The following MAN1A1 variants were observed in gnomAD, a reference collection of about 807,000 sequenced individuals.
The protein encoded by MAN1A1 is mannosyl-oligosaccharide 1,2-alpha-mannosidase IA.
A neutral mutation model predicts 70.8 loss-of-function variants in MAN1A1; 29 were observed. That is an observed-to-expected ratio of 0.41 (90% CI 0.31 to 0.56). MAN1A1 has a LOEUF of 0.56. Ranked by LOEUF, MAN1A1 falls within the 20% of genes least tolerant of loss-of-function variation. The probability of loss-of-function intolerance (pLI) is 0.29; values close to 1 mark genes in which losing one functional copy is unlikely to be tolerated. For synonymous variants in MAN1A1, 349 were observed against 330.1 expected, an observed-to-expected ratio of 1.06 and a Z score of -0.62; for missense variants, 747 against 841.3, an observed-to-expected ratio of 0.89 and a Z score of 1.39.
chr6:119,206,078 A>T (rs964730039), intron 6 of MAN1A1, among the ~76,000 whole-genome samples: 2 of 152,222 alleles, frequency 1.3e-5, no homozygotes, highest in Admixed American at 1.3e-4. Flanking sequence ...TGATTCTTGA[A>T]GGGCAAGTAC....
In MAN1A1 at chr6:119,349,114, T is replaced by C; in HGVS notation, c.-49A>G. On this transcript the variant is annotated 5_prime_UTR_variant, in exon 2 of 13. Coordinates refer to ENST00000368468, the MANE Select transcript of MAN1A1 (RefSeq NM_005907.4). ...GCGCCGCGCCGCTCAGCAGCCAAAC[T>C]TCGCCGCCGCTGGGAGTCCGCGGCT... The C allele has an allele frequency of 7.9e-7, 1 of 1,259,212 alleles. No homozygotes were observed. The highest frequency in any genetic ancestry group is 1.0e-6 in the Non-Finnish European group (1 of 1,003,606). The allele number at this position is 1,259,212 out of a possible 1,614,324, so 78.0% of individuals were successfully genotyped here.
chr6:119,214,511 T>C lies in MAN1A1; in HGVS notation c.993-9629A>G, dbSNP rs144157063. On this transcript the variant is annotated intron_variant, in intron 6 of 12. Coordinates refer to ENST00000368468, the MANE Select transcript of MAN1A1 (RefSeq NM_005907.4). ...GCAAAAAGTAAAAACATCACTATGG[T>C]ATTTTGTATTTTTGTTTTGTGTTTT... is the stretch of plus-strand genomic sequence containing the variant. 2.3e-4 allele frequency among the ~76,000 whole-genome samples: 35 copies of C among 152,192 alleles called. No individual in the cohort carries two copies. The East Asian group carries it at 6.6e-3, about 29-fold the overall frequency.
At chr6:119,262,112 A>C (rs150499388) in intron 5 of MAN1A1, among the ~76,000 whole-genome samples, 1 of 152,286 alleles carries the variant, frequency 6.6e-6, no homozygotes, top group East Asian at 1.9e-4. Context: ...GCTGTCTATA[A>C]AACCCACAGA....
In MAN1A1 at chr6:119,217,074, C is replaced by T. The variant is rs555846198; in HGVS notation, c.993-12192G>A. Among the ~76,000 whole-genome samples the T allele has an allele frequency of 1.4e-4, 21 of 152,282 alleles. No homozygotes were observed. The South Asian group carries it at 2.1e-3, about 15-fold the overall frequency. On this transcript the variant is annotated intron_variant, in intron 6 of 12. Transcript: ENST00000368468. ...AAGTATGTATTTAAAATTTAATAAACATTACCCAATTGCCTTCCAAAGAGT... is the reference window on the plus strand; with the variant it reads ...AAGTATGTATTTAAAATTTAATAAATATTACCCAATTGCCTTCCAAAGAGT...
intron 6 of MAN1A1, among the ~76,000 whole-genome samples, chr6:119,229,781 C>T (rs1226007501): frequency 6.6e-6 from 1 of 152,142 alleles, no homozygotes; most frequent in Non-Finnish European, 1.5e-5. Flanking sequence ...AAGATATGTA[C>T]ATATATCTGC....
At chr6:119,321,112 G>A (rs1352001899) in intron 2 of MAN1A1, among the ~76,000 whole-genome samples, 3 of 152,070 alleles carry the variant, frequency 2.0e-5, no homozygotes, top group Non-Finnish European at 4.4e-5. Flanking sequence ...ATATGTATAC[G>A]TGAAAGAATA....
At position 119,293,793 on chromosome 6, in the gene MAN1A1, C is replaced by T. The variant is rs1772119459; in HGVS notation, c.817-3030G>A. 3.3e-5 allele frequency among the ~76,000 whole-genome samples: 5 copies of T among 152,168 alleles called. No individual in the cohort carries two copies. In the South Asian group the frequency reaches 1.0e-3, roughly 32 times the overall value. On this transcript the variant is annotated intron_variant, in intron 4 of 12. Coordinates refer to ENST00000368468, the MANE Select transcript of MAN1A1 (RefSeq NM_005907.4). Reference sequence around the variant, plus strand: ...GACTAAGAAGATAAAAATTCTCCCACCACACCAAATTGGTTGGCTATCCTG... The same window carrying T: ...GACTAAGAAGATAAAAATTCTCCCATCACACCAAATTGGTTGGCTATCCTG...
chr6:119,285,893 A>T (rs1776361239), intron 5 of MAN1A1, among the ~76,000 whole-genome samples: 1 of 152,274 alleles, frequency 6.6e-6, no homozygotes, highest in African/African-American at 2.4e-5. Context: ...ATGGTATCAA[A>T]TTTTTTGTAT....
At chr6:119,323,792 T>A (rs1316299365) in intron 2 of MAN1A1, among the ~76,000 whole-genome samples, 1 of 152,156 alleles carries the variant, frequency 6.6e-6, no homozygotes, top group South Asian at 2.1e-4. Context: ...ATAGCTAAAA[T>A]TGATAGGAGA....
At chr6:119,231,040 T>C (rs7770777) in intron 6 of MAN1A1, among the ~76,000 whole-genome samples, 49,000 of 152,004 alleles carry the variant, frequency 0.32, 8,367 homozygotes, top group Non-Finnish European at 0.35. Context: ...CAGGGTTTTG[T>C]TGGAGGTAAA....
chr6:119,277,086 T>C (rs966033011), intron 5 of MAN1A1, among the ~76,000 whole-genome samples: 2 of 152,202 alleles, frequency 1.3e-5, no homozygotes, highest in East Asian at 1.9e-4. Context: ...TAAATATCAA[T>C]TGTTAAGTTA....
At chr6:119,265,774 C>T (rs1775736033) in intron 5 of MAN1A1, among the ~76,000 whole-genome samples, 2 of 151,594 alleles carry the variant, frequency 1.3e-5, no homozygotes, top group South Asian at 4.2e-4. Context: ...ACTAGATGTC[C>T]TATAAGAAAA....
At chr6:119,250,426 T>C (rs1367299427) in intron 5 of MAN1A1, among the ~76,000 whole-genome samples, 1 of 152,176 alleles carries the variant, frequency 6.6e-6, no homozygotes, top group Admixed American at 6.5e-5. Flanking sequence ...ACCTTCCTCA[T>C]CTGTACAATG....
chr6:119,217,408 A>C (rs1774236927), intron 6 of MAN1A1, among the ~76,000 whole-genome samples: 1 of 152,068 alleles, frequency 6.6e-6, no homozygotes, highest in South Asian at 2.1e-4. Context: ...CAGCCTCCTG[A>C]GTAGCTGAGA....
At chr6:119,224,488 G>T (rs180693281) in intron 6 of MAN1A1, among the ~76,000 whole-genome samples, 6 of 152,344 alleles carry the variant, frequency 3.9e-5, no homozygotes, top group Non-Finnish European at 8.8e-5. Flanking sequence ...AATACCAGCT[G>T]TCACACTTGG....
intron 7 of MAN1A1, 74 bp from the exon 8 acceptor site, chr6:119,201,421 A>G (rs1425868028): frequency 2.1e-6 from 2 of 962,446 alleles, no homozygotes; most frequent in Middle Eastern, 2.6e-4. Flanking sequence ...CTTCTTGAAC[A>G]TACAAGTTGA....
At chr6:119,201,202 C>G (rs1234654040) in intron 8 of MAN1A1, 52 bp downstream of exon 8, 2 of 1,351,286 alleles carry the variant, frequency 1.5e-6, no homozygotes, top group Non-Finnish European at 2.1e-6. Flanking sequence ...TCCTCTCTCT[C>G]CACGAGTACA....
intron 11 of MAN1A1, 99 bp downstream of exon 11, chr6:119,188,305 TA>T (rs1287377885): frequency 1.7e-6 from 2 of 1,148,952 alleles, no homozygotes; most frequent in South Asian, 1.6e-5. Context: ...GTCGAAGCAT[TA>T]AAAATTATAG....
At chr6:119,203,832 A>T (rs1284091013) in intron 7 of MAN1A1, among the ~76,000 whole-genome samples, 1 of 152,184 alleles carries the variant, frequency 6.6e-6, no homozygotes, top group Non-Finnish European at 1.5e-5. Context: ...ATAAACAGAT[A>T]TAGAGTCTGG....
Sources: gnomAD v4.1 joint callset for allele counts (sites outside exome capture counted in the v4.1 genomes callset) on GRCh38, gnomAD v4.1.1 for gene constraint, MANE v1.5 for transcripts, NCBI Gene and HGNC (gene_info 2026-07-23, HGNC 2026-07-21) for gene names.